SETD2: variants seen among roughly 807,000 people sequenced by gnomAD.
SETD2 encodes the protein histone-lysine N-methyltransferase SETD2.
In SETD2, 31 loss-of-function variants were observed where a neutral mutation model predicts 242.1. The observed-to-expected ratio is 0.13, with a 90% CI of 0.10 to 0.17. The LOEUF (loss-of-function observed/expected upper bound fraction) is 0.17, where lower values mean the gene tolerates loss of function less well. Among genes scored for constraint, SETD2 ranks in the 10% least tolerant of loss-of-function variants. The probability of loss-of-function intolerance (pLI) is 1.00; values close to 1 mark genes in which losing one functional copy is unlikely to be tolerated. For missense variants in SETD2, 2,481 were observed against 3,046.3 expected (o/e 0.81, Z 4.37); for synonymous variants, 1,006 against 1,066.5 (o/e 0.94, Z 1.11).
At position 47,122,187 on chromosome 3, in the gene SETD2, T is replaced by C. The variant is rs1296217973; in HGVS notation, c.2449A>G (p.Met817Val). ...ATAAAGCTATTTGAAGAAATCTTCA[T>C]AACTGAAGGCTCAATATTTTCAGCT... Reference protein sequence around the residue: ...SEAENIEPSVMKISSNSFMNV... With the variant: ...SEAENIEPSVVKISSNSFMNV... Residue 817 changes from methionine (M) to valine (V), a missense_variant, in exon 3 of 21, where the codon ATG becomes GTG. By Grantham distance (21) the Met-to-Val change is conservative. This residue lies in a region of SETD2 where 1,300 missense variants were observed against 1,259.2 expected (regional missense o/e 1.03). Transcript: ENST00000409792. 3.7e-6 allele frequency: 6 copies of C among 1,614,064 alleles called. No individual in the cohort carries two copies. In the South Asian group the frequency reaches 5.5e-5, roughly 15 times the overall value.
At chr3:47,075,913 T>A (rs1217909114) in intron 12 of SETD2, among the ~76,000 whole-genome samples, 2 of 152,216 alleles carry the variant, frequency 1.3e-5, no homozygotes, top group East Asian at 3.8e-4. Context: ...TGAAAGAAAG[T>A]ATGAAGTTAC....
At chr3:47,098,875 A>T (rs1415836892) in intron 8 of SETD2, among the ~76,000 whole-genome samples, 2 of 152,170 alleles carry the variant, frequency 1.3e-5, no homozygotes, top group Non-Finnish European at 2.9e-5. Flanking sequence ...AATTAGAGGG[A>T]TAAAAATAAA....
chr3:47,151,372 A>T (rs143841781), intron 1 of SETD2, among the ~76,000 whole-genome samples: 1 of 152,338 alleles, frequency 6.6e-6, no homozygotes, highest in East Asian at 1.9e-4. Flanking sequence ...ATGAAAAAAT[A>T]GCATCGATGA....
chr3:47,157,701 C>T (rs1394592674), intron 1 of SETD2: 2 of 362,780 alleles, frequency 5.5e-6, no homozygotes, highest in African/African-American at 2.2e-5. Context: ...TGGAGAAACC[C>T]CATCTCTACT....
intron 18 of SETD2, among the ~76,000 whole-genome samples, chr3:47,022,244 G>T (rs531541009): frequency 7.2e-6 from 1 of 139,814 alleles, no homozygotes; most frequent in Non-Finnish European, 1.6e-5. Flanking sequence ...AATTTAGCAC[G>T]TGGGGTTCAG....
At position 47,084,335 on chromosome 3, in the gene SETD2, C is replaced by T. The variant is rs2041452612; in HGVS notation, c.5445G>A (p.Leu1815=). Reference sequence around the variant, plus strand: ...TAATTGGAAGTACTTTGCTTTCCTCCAACATATTTTTAGTAGGAATGGGCA... The same window carrying T: ...TAATTGGAAGTACTTTGCTTTCCTCTAACATATTTTTAGTAGGAATGGGCA... The part of the protein sequence containing the change: ...EHLPIPTKNM[L]EESKVLPIIQ... The change falls in exon 12 of 21, where the codon TTG becomes TTA. Residue 1815 remains leucine, a synonymous_variant. Transcript: ENST00000409792. 6 of 1,613,460 alleles carry T rather than the reference C, an allele frequency of 3.7e-6. No individual in the cohort carries two copies. Among genetic ancestry groups the T allele is most frequent in the Non-Finnish European group, 5.1e-6 (6 of 1,179,726 alleles).
chr3:47,111,037 T>C (rs563032253), intron 5 of SETD2, among the ~76,000 whole-genome samples: 1 of 142,816 alleles, frequency 7.0e-6, no homozygotes, highest in Non-Finnish European at 1.5e-5. Flanking sequence ...TCATCCACTA[T>C]TGTCCCTGTA....
chr3:47,046,503 G>A lies in SETD2; in HGVS notation c.7082C>T (p.Pro2361Leu), dbSNP rs1221799902. The change falls in exon 16 of 21, where the codon CCT (proline) becomes CTT (leucine). Residue 2361 changes from proline (P) to leucine (L), a missense_variant. By Grantham distance (98) the Pro-to-Leu change is moderately conservative. Coordinates refer to ENST00000409792, the MANE Select transcript of SETD2 (RefSeq NM_014159.7). ...ATTTCTTACTGGCTGCAAGGGCTGA[G>A]GCTGCCCTGGTGCAACTATTGTAGT... ...AVTTIVAPGQ[P>L]QPLQPSEMVV... is the part of the protein sequence containing the mutation. 1 of 1,606,680 alleles carries A rather than the reference G, an allele frequency of 6.2e-7. No homozygotes were observed. The highest frequency in any genetic ancestry group is 8.5e-7 in the Non-Finnish European group (1 of 1,175,922).
rs1416286022 is a variant in SETD2, at chr3:47,124,689, C to G, written c.88-141G>C. ...ATGAATTTCACTAAGCTATATATAT[C>G]TTTATTATGAAAATTTTCAAACACA... On this transcript the variant is annotated intron_variant, in intron 2 of 20. Transcript: ENST00000409792. The G allele has an allele frequency of 1.2e-5, 8 of 679,246 alleles. No homozygotes were observed. The African/African-American group carries it at 1.3e-4, about 11-fold the overall frequency. 42.1% of individuals were successfully genotyped at this position (679,246 alleles called of 1,614,324 possible).
Position 47,122,677 on chromosome 3 carries a change from GTCTAAT to G in SETD2, c.1953_1958del (p.Glu651_Leu652del). 6.2e-7 allele frequency: 1 copy of G among 1,613,322 alleles called. No individual in the cohort carries two copies. Among genetic ancestry groups the G allele is most frequent in the African/African-American group, 1.3e-5 (1 of 75,026 alleles). ...GATCATTCTTCACTTTAGATAAAGA[GTCTAAT>G]TCCTTAATACTATCATGGCTATCAT... is the stretch of plus-strand genomic sequence containing the variant. On this transcript the variant is annotated inframe_deletion, in exon 3 of 21. Coordinates refer to ENST00000409792, the MANE Select transcript of SETD2 (RefSeq NM_014159.7).
At chr3:47,081,175 A>G in intron 12 of SETD2, 1 of 697,090 alleles carries the variant, frequency 1.4e-6, no homozygotes, top group Non-Finnish European at 1.8e-6. Context: ...CTTCCCTCCC[A>G]CCCTCTTTCA....
At chr3:47,130,240 CAG>C (rs2043446848) in intron 1 of SETD2, among the ~76,000 whole-genome samples, 1 of 152,006 alleles carries the variant, frequency 6.6e-6, no homozygotes, top group African/African-American at 2.4e-5. Context: ...AGATAATAGA[CAG>C]GGAGTGAAAT....
intron 1 of SETD2, among the ~76,000 whole-genome samples, chr3:47,156,991 G>A (rs142124863): frequency 6.6e-6 from 1 of 151,994 alleles, no homozygotes; most frequent in Non-Finnish European, 1.5e-5. Context: ...GCCAGGGCCA[G>A]GTGCAGTGGC....
chr3:47,130,077 T>C (rs1419279968), intron 1 of SETD2, among the ~76,000 whole-genome samples: 2 of 152,198 alleles, frequency 1.3e-5, no homozygotes, highest in Non-Finnish European at 2.9e-5. Flanking sequence ...CTCATTAGCA[T>C]ACTTATTCTA....
At chr3:47,131,584 G>A (rs1030718673) in intron 1 of SETD2, among the ~76,000 whole-genome samples, 1 of 151,896 alleles carries the variant, frequency 6.6e-6, no homozygotes, top group Non-Finnish European at 1.5e-5. Flanking sequence ...CTCGTGATCC[G>A]CCTGCCTCGG....
chr3:47,057,608 C>T (rs1439793110), intron 14 of SETD2, 118 bp from the exon 15 acceptor site: 4 of 710,750 alleles, frequency 5.6e-6, no homozygotes, highest in Non-Finnish European at 9.4e-6. Flanking sequence ...CCCTATTTGG[C>T]ACTGGTTTAC....
chr3:47,044,344 C>A (rs2039421110), intron 16 of SETD2, among the ~76,000 whole-genome samples: 1 of 33,916 alleles, frequency 2.9e-5, no homozygotes, highest in Non-Finnish European at 5.0e-5. Flanking sequence ...GACTTCATCT[C>A]AAAAAAAAAA....
At chr3:47,092,444 A>G (rs1315588926) in intron 9 of SETD2, among the ~76,000 whole-genome samples, 1 of 151,460 alleles carries the variant, frequency 6.6e-6, no homozygotes, top group Non-Finnish European at 1.5e-5. Context: ...ACTAAAAGTA[A>G]ACATAAATGT....
intron 18 of SETD2, among the ~76,000 whole-genome samples, chr3:47,033,078 A>G (rs1405678001): frequency 1.3e-5 from 2 of 152,198 alleles, no homozygotes; most frequent in African/African-American, 4.8e-5. Flanking sequence ...ACAAAGGTTC[A>G]TATTCTTTTA....
Sources: gnomAD v4.1 joint callset for allele counts (sites outside exome capture counted in the v4.1 genomes callset) on GRCh38, gnomAD v4.1.1 for gene constraint, gnomAD v4.1.1 regional missense constraint, MANE v1.5 for transcripts, NCBI Gene and HGNC (gene_info 2026-07-23, HGNC 2026-07-21) for gene names.